CRACD: variants seen among roughly 807,000 people sequenced by gnomAD.
CRACD encodes capping protein inhibiting regulator of actin dynamics, also known as capping protein-inhibiting regulator of actin dynamics.
CRACD carries 56 observed loss-of-function variants against 106.8 expected under a neutral mutation model. The observed-to-expected ratio is 0.52, with a 90% CI of 0.42 to 0.66. The LOEUF (loss-of-function observed/expected upper bound fraction) is 0.66, where lower values mean the gene tolerates loss of function less well. Among genes scored for constraint, CRACD ranks in the 30% least tolerant of loss-of-function variants. The pLI is 0.00. For missense variants in CRACD, 1,730 were observed against 1,623.2 expected (o/e 1.07, Z -1.13); for synonymous variants, 754 against 670.8 (o/e 1.12, Z -1.92).
chr4:56,323,530 G>C lies in CRACD; in HGVS notation c.3341G>C (p.Arg1114Thr), dbSNP rs1057322120. 7 of 1,598,456 alleles carry C rather than the reference G, an allele frequency of 4.4e-6. No individual in the cohort carries two copies. Among genetic ancestry groups the C allele is most frequent in the Non-Finnish European group, 6.0e-6 (7 of 1,176,076 alleles). The change falls in exon 9 of 11, where the codon AGA becomes ACA. Residue 1114 changes from arginine (R) to threonine (T), a missense_variant. Around this residue, in one of 5 missense-constraint regions of CRACD, gnomAD observed 1,620 missense variants for 1,481.6 expected, o/e 1.09. Transcript: ENST00000682029. ...QATREERKQA[R>T]EAKQAEKLSK... ...ACGCGGGAGGAGAGAAAGCAAGCCAGAGAGGCCAAACAGGCAGAAAAGCTC... is the reference window on the plus strand; with the variant it reads ...ACGCGGGAGGAGAGAAAGCAAGCCACAGAGGCCAAACAGGCAGAAAAGCTC...
intron 1 of CRACD, among the ~76,000 whole-genome samples, chr4:56,061,648 CA>C (rs1732281913): frequency 6.6e-6 from 1 of 152,022 alleles, no homozygotes; most frequent in Non-Finnish European, 1.5e-5. Context: ...AGACAATAAA[CA>C]GTGGCAAATT....
Position 56,118,686 on chromosome 4 carries a change from C to T in CRACD, c.-335-60598C>T, listed in dbSNP as rs919433956. On this transcript the variant is annotated intron_variant, in intron 1 of 10. Transcript: ENST00000682029. ...GGCTAAGGTGGAGGGATTGCTTGAG[C>T]CCAGGAGTTTACTCAGCCTGGACAA... is the stretch of plus-strand genomic sequence containing the variant. Among the ~76,000 whole-genome samples, 5 of 152,156 alleles carry T rather than the reference C, an allele frequency of 3.3e-5. No individual in the cohort carries two copies. The East Asian group carries it at 7.7e-4, about 24-fold the overall frequency.
intron 2 of CRACD, among the ~76,000 whole-genome samples, chr4:56,191,972 G>T (rs2109457780): frequency 6.6e-6 from 1 of 152,266 alleles, no homozygotes; most frequent in East Asian, 1.9e-4. Flanking sequence ...TTGTGTGCTA[G>T]AACTGCCCAG....
chr4:56,123,470 T>G (rs1404037230), intron 1 of CRACD, among the ~76,000 whole-genome samples: 4 of 152,128 alleles, frequency 2.6e-5, no homozygotes, highest in Admixed American at 2.6e-4. Context: ...ATCATGAAGC[T>G]CCCCTCTCTT....
At chr4:56,069,004 C>T (rs781377557) in intron 1 of CRACD, among the ~76,000 whole-genome samples, 2 of 152,168 alleles carry the variant, frequency 1.3e-5, no homozygotes, top group Non-Finnish European at 1.5e-5. Context: ...GAAGAGGACA[C>T]GGAGACATAG....
At chr4:56,149,972 G>T (rs551708279) in intron 1 of CRACD, among the ~76,000 whole-genome samples, 200 of 152,194 alleles carry the variant, frequency 1.3e-3, no homozygotes, top group African/African-American at 4.3e-3. Flanking sequence ...TATAACATTT[G>T]TTATAGAAAT....
chr4:56,234,230 C>G (rs567099982), intron 2 of CRACD, among the ~76,000 whole-genome samples: 2 of 152,248 alleles, frequency 1.3e-5, no homozygotes, highest in South Asian at 2.1e-4. Flanking sequence ...CAAACTGATA[C>G]TCAGTAGCAA....
intron 1 of CRACD, among the ~76,000 whole-genome samples, chr4:56,175,575 A>G (rs1271498399): frequency 6.6e-6 from 1 of 152,222 alleles, no homozygotes; most frequent in Non-Finnish European, 1.5e-5. Context: ...CATGCAATAC[A>G]TAATAATCAC....
intron 2 of CRACD, among the ~76,000 whole-genome samples, chr4:56,227,763 G>C (rs1299383997): frequency 6.6e-6 from 1 of 152,166 alleles, no homozygotes; most frequent in Non-Finnish European, 1.5e-5. Flanking sequence ...CTGGGTTTTT[G>C]AAATGAGTGC....
At chr4:56,082,860 T>G (rs1733082450) in intron 1 of CRACD, among the ~76,000 whole-genome samples, 2 of 151,806 alleles carry the variant, frequency 1.3e-5, no homozygotes, top group African/African-American at 4.8e-5. Context: ...TATAAATGTA[T>G]AGTTGTTTCC....
rs1196956721 is a variant in CRACD at position 56,315,319 on chromosome 4, C to T, written c.1817C>T (p.Pro606Leu). 1.2e-6 allele frequency: 2 copies of T among 1,613,880 alleles called. No homozygotes were observed. Among genetic ancestry groups the T allele is most frequent in the Admixed American group, 1.7e-5 (1 of 60,006 alleles). ...ILVTGAQLCG[P>L]AVNLSQIKDT... ...GTCACGGGCGCGCAGCTCTGTGGCC[C>T]GGCAGTCAACCTGAGCCAGATCAAG... Residue 606 changes from proline (P) to leucine (L), a missense_variant, in exon 8 of 11, where the codon CCG becomes CTG. Pro to Leu is a moderately conservative substitution (Grantham distance 98, BLOSUM62 -3). This residue lies in a region of CRACD where 1,620 missense variants were observed against 1,481.6 expected (regional missense o/e 1.09). Transcript: ENST00000682029. The surrounding 1 kb of genome is among the most constrained non-coding windows in gnomAD (Gnocchi z 4.1).
intron 2 of CRACD, among the ~76,000 whole-genome samples, chr4:56,188,657 A>C (rs372718634): frequency 0.044 from 2,806 of 63,936 alleles, no homozygotes; most frequent in Middle Eastern, 0.083. Context: ...CTATCTCTCT[A>C]TTTCTCTCTC....
At chr4:56,145,011 C>T (rs1735332947) in intron 1 of CRACD, among the ~76,000 whole-genome samples, 1 of 152,146 alleles carries the variant, frequency 6.6e-6, no homozygotes, top group Admixed American at 6.5e-5. Flanking sequence ...TGGTCCTGAA[C>T]TCTTGACTTC....
chr4:56,224,252 T>C (rs1427349943), intron 2 of CRACD, among the ~76,000 whole-genome samples: 1 of 152,234 alleles, frequency 6.6e-6, no homozygotes, highest in Non-Finnish European at 1.5e-5. Flanking sequence ...TTCCATTTGG[T>C]CACTTGTCTG....
intron 3 of CRACD, among the ~76,000 whole-genome samples, chr4:56,277,799 T>C (rs1322660527): frequency 6.6e-6 from 1 of 152,152 alleles, no homozygotes; most frequent in Non-Finnish European, 1.5e-5. Context: ...ATAAACAAGA[T>C]TGAGCAAAGT....
intron 1 of CRACD, among the ~76,000 whole-genome samples, chr4:56,173,051 C>T (rs371022538): frequency 1.3e-5 from 2 of 152,226 alleles, no homozygotes; most frequent in East Asian, 1.9e-4. Flanking sequence ...CCACCGCACC[C>T]GGCCAACACC....
intron 2 of CRACD, among the ~76,000 whole-genome samples, chr4:56,187,800 T>C (rs1018885459): frequency 6.6e-6 from 1 of 152,030 alleles, no homozygotes; most frequent in Non-Finnish European, 1.5e-5. Flanking sequence ...CTCCGGACTC[T>C]AGGCTGACAA....
chr4:56,182,293 A>C lies in CRACD; in HGVS notation c.-189+2863A>C, dbSNP rs111912560. Among the ~76,000 whole-genome samples the C allele has an allele frequency of 5.4e-3, 814 of 151,768 alleles. 8 individuals are homozygous for C. Among genetic ancestry groups the C allele is most frequent in the African/African-American group, 0.019 (771 of 41,384 alleles). On this transcript the variant is annotated intron_variant, in intron 2 of 10. Transcript: ENST00000682029. ...GCTGAGGTGGGAGGATCACTGGAGC[A>C]GGGGAGGTTGAAGCTGCAGTGAGCT...
chr4:56,093,811 T>C (rs186088775), intron 1 of CRACD, among the ~76,000 whole-genome samples: 1 of 152,344 alleles, frequency 6.6e-6, no homozygotes, highest in East Asian at 1.9e-4. Flanking sequence ...TAGTGATTCA[T>C]TGGAAGAAAA....
Sources: allele counts gnomAD v4.1 joint callset (sites outside exome capture counted in the v4.1 genomes callset), GRCh38; gene constraint gnomAD v4.1.1; regional missense constraint gnomAD v4.1.1; non-coding constraint Gnocchi (gnomAD v3.1); transcripts MANE v1.5; gene names NCBI Gene and HGNC (gene_info 2026-07-23, HGNC 2026-07-21).